Variants in TMC7 observed in about 807,000 individuals in gnomAD.
TMC7 encodes the protein transmembrane channel-like protein 7.
Under a neutral mutation model 82.9 loss-of-function variants are expected in TMC7, and 54 were observed. The observed-to-expected ratio is 0.65, with a 90% CI of 0.52 to 0.82. TMC7 has a LOEUF of 0.82. Ranked by LOEUF, TMC7 falls within the 40% of genes least tolerant of loss-of-function variation. TMC7 has a pLI of 0.00. For synonymous variants in TMC7, 350 were observed against 337.9 expected, an observed-to-expected ratio of 1.04 and a Z score of -0.39; for missense variants, 820 against 901.2, an observed-to-expected ratio of 0.91 and a Z score of 1.15.
intron 1 of TMC7, among the ~76,000 whole-genome samples, chr16:19,007,678 A>AT (rs1355603182): frequency 4.7e-4 from 71 of 152,130 alleles, no homozygotes; most frequent in East Asian, 5.8e-4. Context: ...TCAAAAAAAA[A>AT]AAAAATAAAT....
intron 5 of TMC7, among the ~76,000 whole-genome samples, chr16:19,025,341 G>T (rs1960171740): frequency 6.6e-6 from 1 of 152,056 alleles, no homozygotes; most frequent in African/African-American, 2.4e-5. Context: ...ATACCGGCCG[G>T]GTGCGGTGGC....
chr16:19,004,439 A>C (rs1596730314), intron 1 of TMC7, among the ~76,000 whole-genome samples: 1 of 152,056 alleles, frequency 6.6e-6, no homozygotes, highest in African/African-American at 2.4e-5. Context: ...ATCTCGGCTC[A>C]CTGCAACCTC....
chr16:18,984,158 A>C (rs1460337994), intron 1 of TMC7, 28 bp downstream of exon 1: 1 of 1,486,158 alleles, frequency 6.7e-7, no homozygotes, highest in Non-Finnish European at 8.9e-7. Context: ...GCGCGCGGGG[A>C]CGGTGCCCCT....
rs1383967703 is a variant in TMC7 at position 19,056,673 on chromosome 16, C to T, written c.2003C>T (p.Ala668Val). The T allele has an allele frequency of 6.2e-7, 1 of 1,613,974 alleles. No homozygotes were observed. The highest frequency in any genetic ancestry group is 2.2e-5 in the East Asian group (1 of 44,864). ...FIHGVTSEAFAVPFFMIICLI... is the reference protein window; with the variant it reads ...FIHGVTSEAFVVPFFMIICLI... ...CATGGTGTCACATCCGAAGCCTTTGCAGTTCCTTTCTTCATGATTATTTGG... is the reference window on the plus strand; with the variant it reads ...CATGGTGTCACATCCGAAGCCTTTGTAGTTCCTTTCTTCATGATTATTTGG... The change falls in exon 14 of 16, where the codon GCA becomes GTA. Residue 668 changes from alanine to valine, a missense_variant. Physicochemically the swap from Ala to Val is moderately conservative, Grantham distance 64 (BLOSUM62 0). Coordinates refer to ENST00000304381, the MANE Select transcript of TMC7 (RefSeq NM_024847.4).
chr16:18,988,074 T>G (rs930802047), intron 1 of TMC7, among the ~76,000 whole-genome samples: 1 of 152,004 alleles, frequency 6.6e-6, no homozygotes, highest in African/African-American at 2.4e-5. Flanking sequence ...CCTTGATTGA[T>G]CCTCCTGCCT....
chr16:19,051,195 G>C (rs1042516531), intron 12 of TMC7, among the ~76,000 whole-genome samples: 1 of 150,104 alleles, frequency 6.7e-6, no homozygotes, highest in Non-Finnish European at 1.5e-5. Flanking sequence ...TTTGGAGTCT[G>C]GATGAAACCT....
chr16:19,012,975 C>T (rs1182091103), intron 2 of TMC7, among the ~76,000 whole-genome samples: 1 of 150,142 alleles, frequency 6.7e-6, no homozygotes, highest in South Asian at 2.1e-4. Flanking sequence ...CACCAGCATG[C>T]CTGGCTAATT....
In TMC7 at chr16:19,059,414, A is replaced by T; in HGVS notation, c.2028-2A>T. 6.2e-7 allele frequency: 1 copy of T among 1,613,114 alleles called. No individual in the cohort carries two copies. The highest frequency in any genetic ancestry group is 8.5e-7 in the Non-Finnish European group (1 of 1,179,542). ...TTGTGACCTGTCTGTCTTGTGTTGC[A>T]GCCTCATCATGTTTTACTTCATTGC... On this transcript the variant is annotated splice_acceptor_variant, in intron 14 of 15. Coordinates refer to ENST00000304381, the MANE Select transcript of TMC7 (RefSeq NM_024847.4). LOFTEE classifies it high-confidence loss of function.
chr16:19,039,753 T>A (rs1960922611), intron 8 of TMC7, among the ~76,000 whole-genome samples: 1 of 152,164 alleles, frequency 6.6e-6, no homozygotes, highest in Non-Finnish European at 1.5e-5. Flanking sequence ...TATACATCCC[T>A]TTAATAAATC....
At chr16:18,999,017 G>C (rs1160836560) in intron 1 of TMC7, among the ~76,000 whole-genome samples, 1 of 152,164 alleles carries the variant, frequency 6.6e-6, no homozygotes, top group Non-Finnish European at 1.5e-5. Context: ...GCTCTGGGCT[G>C]CTGTGATTGA....
At chr16:19,061,588 C>T (rs1962012998) in intron 15 of TMC7, among the ~76,000 whole-genome samples, 190 bp from the exon 16 acceptor site, 2 of 152,158 alleles carry the variant, frequency 1.3e-5, no homozygotes, top group South Asian at 4.1e-4. Flanking sequence ...TCCAGCTGTA[C>T]TGTGCATTTT....
intron 1 of TMC7, among the ~76,000 whole-genome samples, chr16:18,990,652 G>GT (rs2038934527): frequency 6.6e-6 from 1 of 152,326 alleles, no homozygotes; most frequent in African/African-American, 2.4e-5. Flanking sequence ...ATTATCGTTG[G>GT]TTCTTATAGG....
At chr16:19,018,217 G>A (rs1278338640) in intron 3 of TMC7, among the ~76,000 whole-genome samples, 2 of 152,204 alleles carry the variant, frequency 1.3e-5, no homozygotes, top group African/African-American at 4.8e-5. Flanking sequence ...ACTGCAAAGA[G>A]TTCCTGTGGC....
chr16:18,992,099 T>C (rs973305012), intron 1 of TMC7, among the ~76,000 whole-genome samples: 1 of 152,220 alleles, frequency 6.6e-6, no homozygotes, highest in African/African-American at 2.4e-5. Flanking sequence ...TATAATCCTT[T>C]GGGTATATAC....
At chr16:19,046,637 C>G (rs934564539) in intron 11 of TMC7, among the ~76,000 whole-genome samples, 5 of 151,936 alleles carry the variant, frequency 3.3e-5, no homozygotes, top group African/African-American at 1.2e-4. Context: ...GAGGTTGAGA[C>G]CAGCCTGGGC....
intron 13 of TMC7, among the ~76,000 whole-genome samples, chr16:19,055,531 T>C (rs1336880103): frequency 1.3e-5 from 2 of 152,188 alleles, no homozygotes; most frequent in Non-Finnish European, 2.9e-5. Flanking sequence ...CTAATTATTG[T>C]ATTTTTAGTA....
intron 1 of TMC7, among the ~76,000 whole-genome samples, chr16:19,000,630 A>G (rs2039126067): frequency 3.3e-5 from 5 of 152,258 alleles, no homozygotes; most frequent in Admixed American, 3.3e-4. Context: ...CACATTTCTA[A>G]TAGGGCTGGT....
chr16:19,057,938 C>T (rs1196808681), intron 14 of TMC7, among the ~76,000 whole-genome samples: 3 of 140,216 alleles, frequency 2.1e-5, no homozygotes, highest in Non-Finnish European at 4.6e-5. Flanking sequence ...AGACAGAAGC[C>T]AGCAGTTGAT....
intron 9 of TMC7, among the ~76,000 whole-genome samples, chr16:19,043,512 A>G (rs1961117950): frequency 6.6e-6 from 1 of 152,122 alleles, no homozygotes; most frequent in Non-Finnish European, 1.5e-5. Flanking sequence ...CATCTCCAGA[A>G]CCTTTTCAAC....
Sources: gnomAD v4.1 joint callset for allele counts (sites outside exome capture counted in the v4.1 genomes callset) on GRCh38, gnomAD v4.1.1 for gene constraint, MANE v1.5 for transcripts, NCBI Gene and HGNC (gene_info 2026-07-23, HGNC 2026-07-21) for gene names.